Variants in AP3D1 observed in about 807,000 individuals in gnomAD.
The protein encoded by AP3D1 is adaptor related protein complex 3 subunit delta 1.
AP3D1 carries 51 observed loss-of-function variants against 147.6 expected under a neutral mutation model. That is an observed-to-expected ratio of 0.35 (90% CI 0.28 to 0.44). AP3D1 has a LOEUF of 0.44. AP3D1 is among the 20% of genes least tolerant of loss of function. AP3D1 has a pLI of 1.00. For missense variants in AP3D1, 1,421 were observed against 1,624.2 expected (o/e 0.87, Z 2.15); for synonymous variants, 760 against 663.0 (o/e 1.15, Z -2.25).
intron 26 of AP3D1, 191 bp downstream of exon 26, chr19:2,111,094 T>A: frequency 1.1e-6 from 1 of 919,496 alleles, no homozygotes; most frequent in Non-Finnish European, 1.6e-6. Flanking sequence ...CTCCTGCCAG[T>A]CCAAGTCTCA....
chr19:2,135,157 C>G (rs577110337), intron 4 of AP3D1, among the ~76,000 whole-genome samples: 1 of 152,020 alleles, frequency 6.6e-6, no homozygotes, highest in Admixed American at 6.6e-5. Flanking sequence ...GCCAAGATCA[C>G]GCCATTGCAC....
At chr19:2,154,611 C>T (rs1004594806), upstream of AP3D1, among the ~76,000 whole-genome samples, 1 of 152,162 alleles carries the variant, frequency 6.6e-6, no homozygotes, top group African/African-American at 2.4e-5. Flanking sequence ...AGGCGAAGCC[C>T]TAGGGAAACA....
chr19:2,111,979 G>T, intron 24 of AP3D1, 151 bp from the exon 25 acceptor site: 2 of 1,289,910 alleles, frequency 1.6e-6, no homozygotes, highest in East Asian at 2.4e-5. Context: ...CAGGCCTACC[G>T]GGACAAGCTC....
At position 2,102,281 on chromosome 19, in the gene AP3D1, A is replaced by T. The variant is rs769292028; in HGVS notation, c.3553-13T>A. On this transcript the variant is annotated splice_polypyrimidine_tract_variant and intron_variant, in intron 31 of 31. Transcript: ENST00000643116. ...CAGAGTTCTCACCCTGTGTAAGGAA[A>T]AAAGATGGATATTTTAAAAGTGTGT... 80 of 1,604,640 alleles carry T rather than the reference A, an allele frequency of 5.0e-5. 1 individual carries two copies. The highest frequency in any genetic ancestry group is 1.7e-6 in the Non-Finnish European group (2 of 1,171,774).
intron 14 of AP3D1, 53 bp from the exon 15 acceptor site, chr19:2,118,885 T>TG: frequency 6.5e-7 from 1 of 1,538,924 alleles, no homozygotes; most frequent in African/African-American, 1.4e-5. Flanking sequence ...GGGGCTCCTC[T>TG]CTAGCAGGTG....
At chr19:2,151,841 C>T (rs1392746292), upstream of AP3D1, among the ~76,000 whole-genome samples, 4 of 152,264 alleles carry the variant, frequency 2.6e-5, no homozygotes, top group Non-Finnish European at 5.9e-5. Flanking sequence ...CTGGTCCTGA[C>T]CCTCCCACCA....
intron 31 of AP3D1, among the ~76,000 whole-genome samples, chr19:2,107,131 C>T (rs888752846): frequency 1.3e-5 from 2 of 151,254 alleles, no homozygotes; most frequent in Non-Finnish European, 2.9e-5. Context: ...GATGTGGTGG[C>T]GGGCGCTTGT....
chr19:2,131,710 CGG>C (rs2018953080), intron 5 of AP3D1, among the ~76,000 whole-genome samples: 1 of 90,420 alleles, frequency 1.1e-5, no homozygotes, highest in African/African-American at 4.7e-5. Context: ...CACCTCCGGG[CGG>C]ACAGGCAGCC....
intron 23 of AP3D1, 104 bp from the exon 24 acceptor site, chr19:2,113,071 C>A (rs1404920835): frequency 1.2e-6 from 1 of 830,160 alleles, no homozygotes; most frequent in South Asian, 1.7e-5. Flanking sequence ...TGCCCTCACG[C>A]CTGCCTGAGA....
chr19:2,164,225 G>A (rs1180397268), intron 1 of AP3D1: 1 of 1,289,950 alleles, frequency 7.8e-7, no homozygotes, highest in South Asian at 3.3e-5. Flanking sequence ...TCGCCCGTGG[G>A]GGCTGAGCCC....
At chr19:2,153,906 T>C (rs1372698042), upstream of AP3D1, among the ~76,000 whole-genome samples, 2 of 84,960 alleles carry the variant, frequency 2.4e-5, no homozygotes, top group African/African-American at 5.7e-5. Flanking sequence ...AGTGGCGCGA[T>C]CTCCGCTCAC....
intron 1 of AP3D1, among the ~76,000 whole-genome samples, chr19:2,147,883 C>CAA (rs987371717): frequency 2.2e-5 from 2 of 89,424 alleles, no homozygotes; most frequent in African/African-American, 4.4e-5. Flanking sequence ...GACTTAGTCT[C>CAA]AAAAAAAAAA....
upstream of AP3D1, chr19:2,164,506 C>G (rs1055763802): frequency 3.2e-6 from 1 of 310,858 alleles, no homozygotes; most frequent in Non-Finnish European, 5.9e-6. Context: ...CGAGCCCTAC[C>G]GCGGTGCCGT....
In AP3D1 at chr19:2,115,593, G is replaced by C. The variant is rs769364041; in HGVS notation, c.2094C>G (p.Gly698=). 1 of 1,612,894 alleles carries C rather than the reference G, an allele frequency of 6.2e-7. No individual in the cohort carries two copies. The highest frequency in any genetic ancestry group is 8.5e-7 in the Non-Finnish European group (1 of 1,179,668). ...SPQKRYQDTP[G]VEHIPVVQID... The stretch of plus-strand genomic sequence containing the variant: ...TCTGCACCACGGGAATGTGCTCCAC[G>C]CCCGGGGTGTCCTGGTACCGCTGCA... Residue 698 remains glycine, a synonymous_variant, in exon 19 of 32, where the codon GGC becomes GGG. Transcript: ENST00000643116.
intron 1 of AP3D1, among the ~76,000 whole-genome samples, chr19:2,139,202 G>A (rs2019156727): frequency 1.3e-5 from 2 of 152,140 alleles, no homozygotes; most frequent in African/African-American, 4.8e-5. Flanking sequence ...GCTGGGAGAG[G>A]AGACGGGAGG....
chr19:2,144,011 G>A (rs138874795), intron 1 of AP3D1, among the ~76,000 whole-genome samples: 12 of 151,686 alleles, frequency 7.9e-5, no homozygotes, highest in East Asian at 3.9e-4. Context: ...GCTTGCACCC[G>A]GGAGGCAGAC....
At chr19:2,110,405 C>T (rs1396840804) in intron 27 of AP3D1, among the ~76,000 whole-genome samples, 181 bp from the exon 28 acceptor site, 2 of 152,228 alleles carry the variant, frequency 1.3e-5, no homozygotes, top group East Asian at 3.9e-4. Context: ...CTAATTTGGC[C>T]TGGACTTGGT....
Position 2,113,310 on chromosome 19 carries a change from G to A in AP3D1, c.2679+26C>T, listed in dbSNP as rs1023839114. The A allele has an allele frequency of 8.1e-6, 9 of 1,106,912 alleles. No homozygotes were observed. In the African/African-American group the frequency reaches 1.2e-4, roughly 14 times the overall value. 68.6% of individuals were successfully genotyped at this position (1,106,912 alleles called of 1,614,324 possible). ...ATGACCTCTGCAGACACCGAGGCTG[G>A]CACTGGCCAGCTGCCAGTCTCTTAC... is the stretch of plus-strand genomic sequence containing the variant. On this transcript the variant is annotated intron_variant, in intron 23 of 31. Coordinates refer to ENST00000643116, the MANE Select transcript of AP3D1 (RefSeq NM_001261826.3).
Position 2,138,734 on chromosome 19 carries a change from C to T in AP3D1, c.97-20G>A. 1 of 1,547,970 alleles carries T rather than the reference C, an allele frequency of 6.5e-7. No individual in the cohort carries two copies. The highest frequency in any genetic ancestry group is 8.9e-7 in the Non-Finnish European group (1 of 1,123,168). On this transcript the variant is annotated intron_variant, in intron 1 of 31. Coordinates refer to ENST00000643116, the MANE Select transcript of AP3D1 (RefSeq NM_001261826.3). ...TTTTGCCTATAATGGGGGATAAACACAGAGATTACAAACATCCAGCTAAGA... is the reference window on the plus strand; with the variant it reads ...TTTTGCCTATAATGGGGGATAAACATAGAGATTACAAACATCCAGCTAAGA...
Sources: allele counts gnomAD v4.1 joint callset (sites outside exome capture counted in the v4.1 genomes callset), GRCh38; gene constraint gnomAD v4.1.1; transcripts MANE v1.5; gene names NCBI Gene and HGNC (gene_info 2026-07-23, HGNC 2026-07-21).